Variants in JAZF1 observed in about 807,000 individuals in gnomAD.
The protein encoded by JAZF1 is JAZF zinc finger 1, also known as juxtaposed with another zinc finger protein 1.
A neutral mutation model predicts 26.4 loss-of-function variants in JAZF1; 8 were observed. The ratio of observed to expected loss-of-function variants is 0.30; its 90% CI spans 0.18 to 0.55. JAZF1 has a LOEUF of 0.55. Ranked by LOEUF, JAZF1 falls within the 20% of genes least tolerant of loss-of-function variation. JAZF1 has a pLI of 0.94. For synonymous variants in JAZF1, 126 were observed against 122.3 expected (o/e 1.03, Z -0.20); for missense variants, 199 against 322.0 (o/e 0.62, Z 2.92).
At chr7:27,854,578 T>C (rs1281871973) in intron 3 of JAZF1, among the ~76,000 whole-genome samples, 3 of 152,232 alleles carry the variant, frequency 2.0e-5, no homozygotes, top group African/African-American at 2.4e-5. Context: ...TGACAAAATC[T>C]CTCAGCATTT....
chr7:28,024,308 A>AAG lies in JAZF1; in HGVS notation c.116-32329_116-32328dup, dbSNP rs138276120. Among the ~76,000 whole-genome samples the AAG allele has an allele frequency of 0.022, 3,399 of 151,668 alleles. 291 individuals are homozygous for AAG. In the East Asian group the frequency reaches 0.32, roughly 14 times the overall value. On this transcript the variant is annotated intron_variant, in intron 1 of 4. Coordinates refer to ENST00000283928, the MANE Select transcript of JAZF1 (RefSeq NM_175061.4). ...AGACTCTGTCACAAAAAGAAAAACA[A>AAG]AGAGAGAGAGAGAGATGTTTAAGAA... is the stretch of plus-strand genomic sequence containing the variant.
At chr7:28,079,654 C>A (rs1344121708) in intron 1 of JAZF1, among the ~76,000 whole-genome samples, 1 of 152,172 alleles carries the variant, frequency 6.6e-6, no homozygotes, top group African/African-American at 2.4e-5. Context: ...TGCTGATGAA[C>A]TGAGTAGGAA....
rs146726291 is a variant in JAZF1 at position 27,906,772 on chromosome 7, G to T, written c.189-11356C>A. Reference sequence around the variant, plus strand: ...TTGGCAACTCCCTATCCTCCTTTCCGTTCCTTTTCTACCCTCATTGAATTG... The same window carrying T: ...TTGGCAACTCCCTATCCTCCTTTCCTTTCCTTTTCTACCCTCATTGAATTG... On this transcript the variant is annotated intron_variant, in intron 2 of 4. Transcript: ENST00000283928. Among the ~76,000 whole-genome samples the T allele has an allele frequency of 7.2e-4, 110 of 152,226 alleles. No individual in the cohort carries two copies. In the East Asian group the frequency reaches 0.018, roughly 26 times the overall value.
At chr7:28,076,572 G>A (rs1784054378) in intron 1 of JAZF1, among the ~76,000 whole-genome samples, 1 of 152,016 alleles carries the variant, frequency 6.6e-6, no homozygotes, top group South Asian at 2.1e-4. Context: ...ATTCCGGTTA[G>A]GATAACAATT....
intron 1 of JAZF1, among the ~76,000 whole-genome samples, chr7:28,087,269 A>C (rs1479581812): frequency 6.6e-6 from 1 of 152,164 alleles, no homozygotes; most frequent in Non-Finnish European, 1.5e-5. Context: ...TCAAGAATAC[A>C]TCAGCCAGAG....
chr7:28,041,082 G>A (rs759940043), intron 1 of JAZF1, among the ~76,000 whole-genome samples: 2 of 152,108 alleles, frequency 1.3e-5, no homozygotes, highest in African/African-American at 2.4e-5. Context: ...CTAGATATAT[G>A]TGGCAAAATT....
chr7:28,017,002 G>T (rs1782905730), intron 1 of JAZF1, among the ~76,000 whole-genome samples: 1 of 152,110 alleles, frequency 6.6e-6, no homozygotes, highest in Non-Finnish European at 1.5e-5. Flanking sequence ...ACAGAACAGG[G>T]GAAGGGATGA....
intron 1 of JAZF1, among the ~76,000 whole-genome samples, chr7:28,149,992 C>T (rs1783085942): frequency 6.6e-6 from 1 of 152,224 alleles, no homozygotes. Flanking sequence ...TCCTCTATTC[C>T]CTTGCCAGGA....
rs375983870 is a variant in JAZF1, at chr7:27,908,768, T to G, written c.189-13352A>C. Among the ~76,000 whole-genome samples the G allele has an allele frequency of 1.1e-4, 17 of 152,350 alleles. No homozygotes were observed. In the South Asian group the frequency reaches 3.5e-3, roughly 32 times the overall value. On this transcript the variant is annotated intron_variant, in intron 2 of 4. Coordinates refer to ENST00000283928, the MANE Select transcript of JAZF1 (RefSeq NM_175061.4). Reference sequence around the variant, plus strand: ...TTCTGTTTCTGCTTTTCTCAGCCCTTTTCTGCCTATCAGGCCAACCTCATC... The same window carrying G: ...TTCTGTTTCTGCTTTTCTCAGCCCTGTTCTGCCTATCAGGCCAACCTCATC...
intron 1 of JAZF1, among the ~76,000 whole-genome samples, chr7:28,174,821 G>GGTGTGGGTGT (rs1783524704): frequency 9.3e-6 from 1 of 107,690 alleles, no homozygotes; most frequent in African/African-American, 2.8e-5. Context: ...GGGGTGTGTG[G>GGTGTGGGTGT]GTGTGTGTGT....
intron 2 of JAZF1, among the ~76,000 whole-genome samples, chr7:27,945,548 G>A (rs1318375187): frequency 1.3e-5 from 2 of 152,078 alleles, no homozygotes; most frequent in African/African-American, 2.4e-5. Flanking sequence ...ACACCTGTCC[G>A]TTTTTTACGG....
intron 1 of JAZF1, among the ~76,000 whole-genome samples, chr7:28,159,655 G>A (rs1783249036): frequency 1.3e-5 from 2 of 152,152 alleles, no homozygotes; most frequent in Non-Finnish European, 2.9e-5. Flanking sequence ...GGTGGAGAAA[G>A]TAGAGGCAGG....
At chr7:28,124,368 C>A (rs991539895) in intron 1 of JAZF1, among the ~76,000 whole-genome samples, 6 of 152,206 alleles carry the variant, frequency 3.9e-5, no homozygotes, top group Non-Finnish European at 5.9e-5. Flanking sequence ...CTACACTTAA[C>A]GCCAACTGGC....
At chr7:28,180,106 C>CCGCCCCGCGCCCCG (rs1187294582) in intron 1 of JAZF1, among the ~76,000 whole-genome samples, 1 of 145,450 alleles carries the variant, frequency 6.9e-6, no homozygotes, top group Admixed American at 6.9e-5. Context: ...GCCGCGCCCT[C>CCGCCCCGCGCCCCG]CGCCCCGCGC....
At chr7:28,172,973 G>A (rs1003397464) in intron 1 of JAZF1, among the ~76,000 whole-genome samples, 3 of 152,144 alleles carry the variant, frequency 2.0e-5, no homozygotes, top group Admixed American at 2.0e-4. Flanking sequence ...GTGACAGCAG[G>A]GAAGTCAGAA....
At chr7:28,052,360 A>G (rs1783630490) in intron 1 of JAZF1, among the ~76,000 whole-genome samples, 1 of 152,220 alleles carries the variant, frequency 6.6e-6, no homozygotes, top group Non-Finnish European at 1.5e-5. Flanking sequence ...CTTCACTTGC[A>G]TTTTATTTGA....
chr7:27,915,137 G>T (rs1784425624), intron 2 of JAZF1, among the ~76,000 whole-genome samples: 2 of 152,064 alleles, frequency 1.3e-5, no homozygotes, highest in South Asian at 4.1e-4. Flanking sequence ...TATTAAACTG[G>T]TCATTAATTA....
intron 1 of JAZF1, among the ~76,000 whole-genome samples, chr7:28,021,888 T>C (rs1441454600): frequency 6.6e-6 from 1 of 152,210 alleles, no homozygotes; most frequent in Non-Finnish European, 1.5e-5. Flanking sequence ...CTGTGCTGGG[T>C]CACTTTCAGC....
chr7:28,011,507 G>C (rs926991560), intron 1 of JAZF1, among the ~76,000 whole-genome samples: 1 of 152,168 alleles, frequency 6.6e-6, no homozygotes, highest in Admixed American at 6.5e-5. Context: ...TTACAAGTGA[G>C]GAGGAAGAAA....
Sources: allele counts gnomAD v4.1 joint callset (sites outside exome capture counted in the v4.1 genomes callset), GRCh38; gene constraint gnomAD v4.1.1; transcripts MANE v1.5; gene names NCBI Gene and HGNC (gene_info 2026-07-23, HGNC 2026-07-21).